The following SF3B3 variants were observed in gnomAD, a reference collection of about 807,000 sequenced individuals.
SF3B3 encodes splicing factor 3b subunit 3, also known as SAP 130.
In SF3B3, 33 loss-of-function variants were observed where a neutral mutation model predicts 139.2. That is an observed-to-expected ratio of 0.24 (90% CI 0.18 to 0.32). SF3B3 has a LOEUF of 0.32. SF3B3 is among the 10% of genes least tolerant of loss of function. The pLI is 1.00. For missense variants in SF3B3, 818 were observed against 1,509.4 expected, an observed-to-expected ratio of 0.54 and a Z score of 7.59; for synonymous variants, 596 against 563.6, an observed-to-expected ratio of 1.06 and a Z score of -0.81.
chr16:70,571,277 C>A, intron 25 of SF3B3, 78 bp downstream of exon 25: 1 of 1,085,662 alleles, frequency 9.2e-7, no homozygotes, highest in Non-Finnish European at 1.4e-6. Flanking sequence ...GGGAATAGTA[C>A]CAGGGAGGGT....
intron 3 of SF3B3, among the ~76,000 whole-genome samples, chr16:70,530,127 A>AATAT (rs1226316074): frequency 7.5e-6 from 1 of 133,072 alleles, no homozygotes; most frequent in Non-Finnish European, 1.6e-5. Flanking sequence ...CTGCATCTCA[A>AATAT]AAATAAATAA....
chr16:70,537,323 A>T (rs537861343), intron 6 of SF3B3, among the ~76,000 whole-genome samples: 1 of 152,214 alleles, frequency 6.6e-6, no homozygotes, highest in East Asian at 1.9e-4. Context: ...CTTCATTGTA[A>T]CGGTATTGTT....
At chr16:70,539,438 C>T (rs899922486) in intron 8 of SF3B3, among the ~76,000 whole-genome samples, 5 of 152,014 alleles carry the variant, frequency 3.3e-5, no homozygotes, top group Admixed American at 1.3e-4. Context: ...ATCCCAGCTA[C>T]CGGGGAGGCT....
In SF3B3 at chr16:70,530,818, C is replaced by G; in HGVS notation, c.471C>G (p.Pro157=). The G allele has an allele frequency of 6.2e-7, 1 of 1,614,052 alleles. No individual in the cohort carries two copies. Among genetic ancestry groups the G allele is most frequent in the Admixed American group, 1.7e-5 (1 of 59,990 alleles). ...CAGCCCGACTTACCATTTCATCTCCCCTGGAAGCCCACAAAGCAAACACTT... is the reference window on the plus strand; with the variant it reads ...CAGCCCGACTTACCATTTCATCTCCGCTGGAAGCCCACAAAGCAAACACTT... ...DAAARLTISS[P]LEAHKANTLV... Residue 157 remains proline, a synonymous_variant, in exon 4 of 26, where the codon CCC becomes CCG. Coordinates refer to ENST00000302516, the MANE Select transcript of SF3B3 (RefSeq NM_012426.5).
chr16:70,551,994 C>A (rs1478157702), intron 11 of SF3B3, among the ~76,000 whole-genome samples: 2 of 152,194 alleles, frequency 1.3e-5, no homozygotes, highest in Non-Finnish European at 2.9e-5. Flanking sequence ...TTTGAGATGT[C>A]GTTGGCTCTC....
intron 21 of SF3B3, among the ~76,000 whole-genome samples, chr16:70,567,888 T>C (rs1230050102): frequency 6.6e-6 from 1 of 152,178 alleles, no homozygotes; most frequent in Non-Finnish European, 1.5e-5. Flanking sequence ...GGTTTTACCA[T>C]GTTGGCCAGG....
Position 70,526,629 on chromosome 16 carries a change from G to T in SF3B3, c.-28G>T. 1 of 1,594,168 alleles carries T rather than the reference G, an allele frequency of 6.3e-7. No homozygotes were observed. The highest frequency in any genetic ancestry group is 8.6e-7 in the Non-Finnish European group (1 of 1,162,696). On this transcript the variant is annotated 5_prime_UTR_variant, in exon 2 of 26. Coordinates refer to ENST00000302516, the MANE Select transcript of SF3B3 (RefSeq NM_012426.5). ...CTGTTGGTGTAACCAAGGCCTGGAG[G>T]TCTGGGTGGCTCAGGTTTCCTGCAG...
chr16:70,564,133 G>A (rs967463129), intron 18 of SF3B3, 83 bp downstream of exon 18: 4 of 1,414,540 alleles, frequency 2.8e-6, no homozygotes, highest in Non-Finnish European at 3.9e-6. Flanking sequence ...CACTTTGGGA[G>A]GCTGAGGTGG....
At position 70,570,651 on chromosome 16, in the gene SF3B3, G is replaced by A. The variant is rs549234228; in HGVS notation, c.3409-444G>A. The stretch of plus-strand genomic sequence containing the variant: ...CGGCCAGGCCGTTTGTTTTTATAGT[G>A]TCCCAGGGTTTGCTTCAGTCTGATG... On this transcript the variant is annotated intron_variant, in intron 24 of 25. Transcript: ENST00000302516. 2.6e-5 allele frequency among the ~76,000 whole-genome samples: 4 copies of A among 152,264 alleles called. No individual in the cohort carries two copies. In the South Asian group the frequency reaches 8.3e-4, roughly 32 times the overall value.
At chr16:70,563,014 A>G (rs549499213) in intron 17 of SF3B3, among the ~76,000 whole-genome samples, 2 of 151,954 alleles carry the variant, frequency 1.3e-5, no homozygotes, top group African/African-American at 2.4e-5. Context: ...GTTCTATTTT[A>G]TAGAGACAGG....
chr16:70,548,923 G>C (rs1291180840), intron 11 of SF3B3, among the ~76,000 whole-genome samples: 2 of 152,224 alleles, frequency 1.3e-5, no homozygotes, highest in Non-Finnish European at 2.9e-5. Context: ...GGAATTGAGT[G>C]GAATTCGAAT....
intron 24 of SF3B3, 50 bp downstream of exon 24, chr16:70,570,199 G>A: frequency 6.3e-7 from 1 of 1,589,588 alleles, no homozygotes; most frequent in Non-Finnish European, 8.6e-7. Context: ...TTGTTTCTTG[G>A]TGCTGGATCT....
At chr16:70,554,297 CTGTGTGCA>C in intron 11 of SF3B3, 141 bp from the exon 12 acceptor site, 1 of 650,052 alleles carries the variant, frequency 1.5e-6, no homozygotes, top group Non-Finnish European at 2.6e-6. Context: ...TCATTTTGCT[CTGTGTGCA>C]TGTGTATGTG....
chr16:70,565,010 A>G (rs2050462457), intron 18 of SF3B3, 55 bp from the exon 19 acceptor site: 2 of 1,558,112 alleles, frequency 1.3e-6, no homozygotes, highest in Non-Finnish European at 1.8e-6. Context: ...TCCTCTTCTC[A>G]GCCAGCCCCT....
intron 11 of SF3B3, among the ~76,000 whole-genome samples, chr16:70,553,598 C>T (rs2050350207): frequency 6.6e-6 from 1 of 152,112 alleles, no homozygotes; most frequent in Non-Finnish European, 1.5e-5. Flanking sequence ...TCAAGCTTTA[C>T]GCCAAACGTA....
chr16:70,539,351 C>A, intron 8 of SF3B3, 144 bp downstream of exon 8: 1 of 637,864 alleles, frequency 1.6e-6, no homozygotes. Context: ...AGTTGGAGAC[C>A]AGCCTGGCCA....
chr16:70,526,627 A>C lies in SF3B3; in HGVS notation c.-30A>C. 2 of 1,579,402 alleles carry C rather than the reference A, an allele frequency of 1.3e-6. No homozygotes were observed. The highest frequency in any genetic ancestry group is 1.7e-6 in the Non-Finnish European group (2 of 1,150,782). On this transcript the variant is annotated 5_prime_UTR_variant, in exon 2 of 26. Coordinates refer to ENST00000302516, the MANE Select transcript of SF3B3 (RefSeq NM_012426.5). ...TACTGTTGGTGTAACCAAGGCCTGG[A>C]GGTCTGGGTGGCTCAGGTTTCCTGC...
intron 10 of SF3B3, 98 bp from the exon 11 acceptor site, chr16:70,548,272 T>G (rs1244809492): frequency 5.0e-5 from 48 of 968,678 alleles, no homozygotes; most frequent in Non-Finnish European, 7.5e-5. Flanking sequence ...GCATACGTTG[T>G]GAACCCTGCC....
intron 15 of SF3B3, among the ~76,000 whole-genome samples, chr16:70,558,215 C>T (rs1238788589): frequency 6.6e-6 from 1 of 151,838 alleles, no homozygotes; most frequent in Non-Finnish European, 1.5e-5. Context: ...GTAAGGTGAA[C>T]TACAGGTGTA....
Sources: gnomAD v4.1 joint callset for allele counts (sites outside exome capture counted in the v4.1 genomes callset) on GRCh38, gnomAD v4.1.1 for gene constraint, MANE v1.5 for transcripts, NCBI Gene and HGNC (gene_info 2026-07-23, HGNC 2026-07-21) for gene names.